ACSL6: variants seen among roughly 807,000 people sequenced by gnomAD.
ACSL6 encodes the protein acyl-CoA synthetase long chain family member 6.
ACSL6 carries 47 observed loss-of-function variants against 98.2 expected under a neutral mutation model. The observed-to-expected ratio is 0.48, with a 90% CI of 0.38 to 0.61. The LOEUF (loss-of-function observed/expected upper bound fraction) is 0.61, where lower values mean the gene tolerates loss of function less well. Ranked by LOEUF, ACSL6 falls within the 20% of genes least tolerant of loss-of-function variation. The pLI is 0.00. For missense variants in ACSL6, 761 were observed against 913.4 expected, an observed-to-expected ratio of 0.83 and a Z score of 2.15; for synonymous variants, 362 against 336.9, an observed-to-expected ratio of 1.07 and a Z score of -0.82.
intron 1 of ACSL6, among the ~76,000 whole-genome samples, chr5:132,000,145 C>G (rs1456555205): frequency 1.3e-5 from 2 of 152,040 alleles, no homozygotes; most frequent in African/African-American, 2.4e-5. Context: ...TCCCCACCCC[C>G]ACAAGGTCAC....
intron 17 of ACSL6, among the ~76,000 whole-genome samples, chr5:131,965,922 G>A (rs476428): frequency 0.22 from 32,724 of 152,074 alleles, 3,821 homozygotes; most frequent in East Asian, 0.51. Context: ...AGCCACAGAC[G>A]GGGATGAGGC....
At chr5:132,009,712 G>A (rs1755608697) in intron 1 of ACSL6, among the ~76,000 whole-genome samples, 1 of 152,154 alleles carries the variant, frequency 6.6e-6, no homozygotes, top group Non-Finnish European at 1.5e-5. Context: ...TCCCATTAGA[G>A]GAGGGAGCTG....
Position 131,985,397 on chromosome 5 carries a change from C to G in ACSL6, c.916+10G>C, listed in dbSNP as rs1273986078. The stretch of plus-strand genomic sequence containing the variant: ...TAGCCATGGCTGGGGATCTGCGTGC[C>G]TCTGCTTACCTGTCGTGCCGCTTGT... On this transcript the variant is annotated intron_variant, in intron 9 of 20. Coordinates refer to ENST00000651883, the MANE Select transcript of ACSL6 (RefSeq NM_001009185.3). 5.0e-6 allele frequency: 8 copies of G among 1,614,060 alleles called. No individual in the cohort carries two copies. Among genetic ancestry groups the G allele is most frequent in the Middle Eastern group, 1.6e-4 (1 of 6,062 alleles).
At chr5:132,006,909 A>T (rs543426578) in intron 1 of ACSL6, 1 of 152,182 alleles carries the variant, frequency 6.6e-6, no homozygotes, top group South Asian at 2.1e-4. Context: ...TATTGGCATC[A>T]TCCCCCACCT....
Position 131,988,119 on chromosome 5 carries a change from G to C in ACSL6, c.760C>G (p.Pro254Ala), listed in dbSNP as rs1343975121. The change falls in exon 7 of 21, where the codon CCA becomes GCA. Residue 254 changes from proline to alanine, a missense_variant. Pro to Ala is a conservative substitution (Grantham distance 27). Transcript: ENST00000651883. ...PGLKLIILMD[P>A]FEEALKERGQ... ...CTCTCTTTCAGGGCTTCTTCGAATG[G>C]GTCCATGAGGATGATCAGCTTGAGG... 1 of 1,614,132 alleles carries C rather than the reference G, an allele frequency of 6.2e-7. No individual in the cohort carries two copies.
Position 131,988,192 on chromosome 5 carries a change from C to A in ACSL6, c.687G>T (p.Gln229His). 1 of 1,614,220 alleles carries A rather than the reference C, an allele frequency of 6.2e-7. No homozygotes were observed. The highest frequency in any genetic ancestry group is 8.5e-7 in the Non-Finnish European group (1 of 1,180,042). The stretch of plus-strand genomic sequence containing the variant: ...CATGCTCTAGCAGAAGCACAGCCTT[C>A]TGAGGTTTGTCCACAATCACGGTGC... ...DISTVIVDKP[Q>H]KAVLLLEHVE... The change falls in exon 7 of 21, where the codon CAG becomes CAT. Residue 229 changes from glutamine (Q) to histidine (H), a missense_variant. Physicochemically the swap from Gln to His is conservative, Grantham distance 24. Coordinates refer to ENST00000651883, the MANE Select transcript of ACSL6 (RefSeq NM_001009185.3).
chr5:132,010,821 G>A (rs1339522956), intron 1 of ACSL6, among the ~76,000 whole-genome samples: 1 of 152,166 alleles, frequency 6.6e-6, no homozygotes, highest in African/African-American at 2.4e-5. Context: ...AGGTGTGGGT[G>A]TATGGGGGGT....
chr5:131,959,288 CAGCT>C (rs1380294783), intron 20 of ACSL6, among the ~76,000 whole-genome samples: 3 of 152,210 alleles, frequency 2.0e-5, no homozygotes, highest in Non-Finnish European at 2.9e-5. Context: ...TTACTAGTGA[CAGCT>C]AGGGTATTAT....
intron 4 of ACSL6, among the ~76,000 whole-genome samples, chr5:131,989,869 C>T (rs1442582728): frequency 2.0e-5 from 3 of 152,216 alleles, no homozygotes; most frequent in Non-Finnish European, 4.4e-5. Context: ...GCTGGGATTA[C>T]AGGCATGAGC....
chr5:131,962,405 TAA>T, intron 18 of ACSL6, 128 bp downstream of exon 18: 1 of 1,117,710 alleles, frequency 8.9e-7, no homozygotes, highest in Non-Finnish European at 1.2e-6. Flanking sequence ...ATTTCTCCTT[TAA>T]AAAGGAGTTT....
At chr5:131,996,184 G>A (rs755680572) in intron 1 of ACSL6, among the ~76,000 whole-genome samples, 40 of 152,206 alleles carry the variant, frequency 2.6e-4, no homozygotes, top group Admixed American at 5.2e-4. Flanking sequence ...GCTTCCTTGA[G>A]CTGGGTCAGT....
At chr5:132,011,962 G>A (rs749888983), upstream of ACSL6, 1 of 1,533,572 alleles carries the variant, frequency 6.5e-7, no homozygotes, top group East Asian at 2.5e-5. The surrounding 1 kb of genome is among the most constrained non-coding windows in gnomAD (Gnocchi z 5.4). Flanking sequence ...GGCGACGAGC[G>A]CCAGAGCGTG....
intron 12 of ACSL6, 59 bp downstream of exon 12, chr5:131,973,207 G>A: frequency 6.3e-7 from 1 of 1,585,270 alleles, no homozygotes; most frequent in Non-Finnish European, 8.6e-7. Flanking sequence ...TCCAGACCCT[G>A]TCCAAACAAG....
intron 1 of ACSL6, chr5:132,006,754 C>G (rs529362679): frequency 1.3e-5 from 2 of 152,350 alleles, no homozygotes; most frequent in South Asian, 4.1e-4. Flanking sequence ...CTAGTTGATT[C>G]ATTCATTCAT....
chr5:131,961,792 A>T (rs1271816878), intron 18 of ACSL6, among the ~76,000 whole-genome samples: 1 of 152,178 alleles, frequency 6.6e-6, no homozygotes. Flanking sequence ...CAAATAACTG[A>T]ATCCTAGTAA....
rs1754426485 is a variant in ACSL6, at chr5:131,990,140, C to T, written c.410G>A (p.Arg137Lys). The change falls in exon 4 of 21, where the codon AGG becomes AAG. Residue 137 changes from arginine to lysine, a missense_variant. Arg to Lys is a conservative substitution (Grantham distance 26, BLOSUM62 2). Coordinates refer to ENST00000651883, the MANE Select transcript of ACSL6 (RefSeq NM_001009185.3). Reference protein sequence around the residue: ...ISGNGPCLGFRKPKQPYQWLS... With the variant: ...ISGNGPCLGFKKPKQPYQWLS... ...CCACTGGTAAGGCTGCTTAGGCTTC[C>T]TGAAACCAAGACAGGGCCCATTCCC... 3 of 1,613,948 alleles carry T rather than the reference C, an allele frequency of 1.9e-6. No homozygotes were observed. Among genetic ancestry groups the T allele is most frequent in the African/African-American group, 2.7e-5 (2 of 74,928 alleles).
At chr5:131,972,452 A>G (rs1753362786) in intron 13 of ACSL6, among the ~76,000 whole-genome samples, 1 of 152,186 alleles carries the variant, frequency 6.6e-6, no homozygotes, top group African/African-American at 2.4e-5. Context: ...CTGACTACCC[A>G]AGGTCAAAGC....
intron 17 of ACSL6, among the ~76,000 whole-genome samples, chr5:131,965,111 C>T (rs1308896691): frequency 6.6e-6 from 1 of 152,124 alleles, no homozygotes; most frequent in East Asian, 1.9e-4. Flanking sequence ...GTACACAGGC[C>T]CAAGCAGGGG....
In ACSL6 at chr5:131,960,569, G is replaced by T; in HGVS notation, c.1910C>A (p.Ala637Asp). 6.2e-7 allele frequency: 1 copy of T among 1,614,018 alleles called. No homozygotes were observed. Among genetic ancestry groups the T allele is most frequent in the Non-Finnish European group, 8.5e-7 (1 of 1,180,014 alleles). The change falls in exon 19 of 21, where the codon GCC becomes GAC. Residue 637 changes from alanine to aspartate, a missense_variant. Coordinates refer to ENST00000651883, the MANE Select transcript of ACSL6 (RefSeq NM_001009185.3). ...VPDPEVMPSW[A>D]QKRGIEGTYA... is the part of the protein sequence containing the mutation. Reference sequence around the variant, plus strand: ...TGTTCCTTCAATTCCTCTCTTCTGGGCCCAGGAGGGCATAACTTCAGGGTC... The same window carrying T: ...TGTTCCTTCAATTCCTCTCTTCTGGTCCCAGGAGGGCATAACTTCAGGGTC...
Sources: allele counts gnomAD v4.1 joint callset (sites outside exome capture counted in the v4.1 genomes callset), GRCh38; gene constraint gnomAD v4.1.1; non-coding constraint Gnocchi (gnomAD v3.1); transcripts MANE v1.5; gene names NCBI Gene and HGNC (gene_info 2026-07-23, HGNC 2026-07-21).